The following HNRNPA3 variants were observed in gnomAD, a reference collection of about 807,000 sequenced individuals.
HNRNPA3 encodes heterogeneous nuclear ribonucleoprotein A3.
Under a neutral mutation model 45.8 loss-of-function variants are expected in HNRNPA3, and 3 were observed. That is an observed-to-expected ratio of 0.07 (90% CI 0.03 to 0.17). The LOEUF (loss-of-function observed/expected upper bound fraction) is 0.17, where lower values mean the gene tolerates loss of function less well. Among genes scored for constraint, HNRNPA3 ranks in the 10% least tolerant of loss-of-function variants. HNRNPA3 has a pLI of 1.00. For synonymous variants in HNRNPA3, 170 were observed against 155.6 expected, an observed-to-expected ratio of 1.09 and a Z score of -0.69; for missense variants, 183 against 480.3, an observed-to-expected ratio of 0.38 and a Z score of 5.79.
intron 4 of HNRNPA3, 80 bp from the exon 5 acceptor site, chr2:177,216,420 CATA>C (rs1688941439): frequency 1.0e-6 from 1 of 971,618 alleles, no homozygotes; most frequent in Admixed American, 2.0e-5. Context: ...TAATGGGTTA[CATA>C]ATGACAGAGG....
chr2:177,214,594 G>GACCATTCTGGCTA (rs2105426528), intron 1 of HNRNPA3, among the ~76,000 whole-genome samples: 1 of 152,302 alleles, frequency 6.6e-6, no homozygotes, highest in East Asian at 1.9e-4. Context: ...AGGAGATCGA[G>GACCATTCTGGCTA]ACCATTCTGG....
chr2:177,214,474 T>A (rs1187398928), intron 1 of HNRNPA3, among the ~76,000 whole-genome samples: 1 of 152,152 alleles, frequency 6.6e-6, no homozygotes, highest in African/African-American at 2.4e-5. Flanking sequence ...TTCAGAACTT[T>A]TAGATTGTTC....
rs1168007435 is a variant in HNRNPA3 at position 177,217,912 on chromosome 2, A to G, written c.961+67A>G. On this transcript the variant is annotated intron_variant, in intron 8 of 10. Transcript: ENST00000392524. ...GTTGCTAACAGTTCCCATGACACAT[A>G]TTTGGAAAGTGTTAAAAGCGTTTGA... 6 of 1,387,996 alleles carry G rather than the reference A, an allele frequency of 4.3e-6. No homozygotes were observed. The South Asian group carries it at 8.7e-5, about 20-fold the overall frequency. 86.0% of individuals were successfully genotyped at this position (1,387,996 alleles called of 1,614,324 possible).
chr2:177,219,321 A>G lies in HNRNPA3; in HGVS notation c.*15+7A>G. The G allele has an allele frequency of 1.3e-6, 2 of 1,594,758 alleles. No homozygotes were observed. The highest frequency in any genetic ancestry group is 1.7e-6 in the Non-Finnish European group (2 of 1,167,352). ...CTAAAAACAGCAGAAAAGGGTAGGTATCTTTAAATTTTTATTATGATGATA... is the reference window on the plus strand; with the variant it reads ...CTAAAAACAGCAGAAAAGGGTAGGTGTCTTTAAATTTTTATTATGATGATA... On this transcript the variant is annotated splice_region_variant and intron_variant, in intron 10 of 10. Coordinates refer to ENST00000392524, the Ensembl canonical transcript of HNRNPA3.
chr2:177,217,294 A>G lies in HNRNPA3; in HGVS notation c.820+354A>G, dbSNP rs28710473. On this transcript the variant is annotated intron_variant, in intron 7 of 10. Coordinates refer to ENST00000392524, the Ensembl canonical transcript of HNRNPA3. The stretch of plus-strand genomic sequence containing the variant: ...AGATACTTGATACTCTATTATTATT[A>G]GGTATTACCAGGCTTCAGAGTGCTA... Among the ~76,000 whole-genome samples the G allele has an allele frequency of 4.0e-3, 603 of 152,322 alleles. 3 individuals are homozygous for G. The highest frequency in any genetic ancestry group is 0.014 in the African/African-American group (573 of 41,566).
At chr2:177,217,062 C>T (rs1248283922) in intron 7 of HNRNPA3, 122 bp downstream of exon 7, 1 of 1,068,730 alleles carries the variant, frequency 9.4e-7, no homozygotes, top group Non-Finnish European at 1.3e-6. Context: ...GGTGTATTTC[C>T]AAACTGTACA....
rs1413430235 is a variant in HNRNPA3, at chr2:177,214,533, C to A, written c.73-1006C>A. On this transcript the variant is annotated intron_variant, in intron 1 of 10. Transcript: ENST00000392524. ...TGTATGGGCCGGGCGCTGTGGCTCA[C>A]GCCTGTAATTCTAGCACTTTGGGAG... is the stretch of plus-strand genomic sequence containing the variant. 2.0e-5 allele frequency among the ~76,000 whole-genome samples: 3 copies of A among 152,266 alleles called. No homozygotes were observed. In the Middle Eastern group the frequency reaches 0.01, roughly 518 times the overall value.
Position 177,219,233 on chromosome 2 carries a change from A to G in HNRNPA3, c.1085-14A>G, listed in dbSNP as rs768244196. On this transcript the variant is annotated splice_polypyrimidine_tract_variant and intron_variant, in intron 9 of 10. Transcript: ENST00000392524. ...ATGTGCATACTTCTTTTAAAATACTATGTATATTTTCAGGTGGTTATGGAT... is the reference window on the plus strand; with the variant it reads ...ATGTGCATACTTCTTTTAAAATACTGTGTATATTTTCAGGTGGTTATGGAT... 7 of 1,612,446 alleles carry G rather than the reference A, an allele frequency of 4.3e-6. No homozygotes were observed. The highest frequency in any genetic ancestry group is 2.7e-5 in the African/African-American group (2 of 74,814).
exon 8 of HNRNPA3, chr2:177,217,733 T>C (rs773155168): frequency 6.2e-6 from 10 of 1,613,034 alleles, no homozygotes; most frequent in Non-Finnish European, 8.5e-6. Context: ...GTCCTGGTTA[T>C]AGTAGTAGAG....
rs193071274 is a variant in HNRNPA3, at chr2:177,219,165, T to G, written c.1084+6T>G. 543 of 1,612,902 alleles carry G rather than the reference T, an allele frequency of 3.4e-4. 1 individual carries two copies. The highest frequency in any genetic ancestry group is 4.5e-4 in the Non-Finnish European group (525 of 1,179,662). Reference sequence around the variant, plus strand: ...CTCGGGCAGTCCCTATGGTGGTAAGTACTTTCTTAAATCAATTCTTTAGAG... The same window carrying G: ...CTCGGGCAGTCCCTATGGTGGTAAGGACTTTCTTAAATCAATTCTTTAGAG... On this transcript the variant is annotated splice_donor_region_variant and intron_variant, in intron 9 of 10. Transcript: ENST00000392524.
At chr2:177,213,519 C>T (rs1029674617) in intron 1 of HNRNPA3, among the ~76,000 whole-genome samples, 1 of 152,204 alleles carries the variant, frequency 6.6e-6, no homozygotes, top group Non-Finnish European at 1.5e-5. Flanking sequence ...TCGCAGCATC[C>T]TGTTGGAAAT....
chr2:177,216,991 T>A, intron 7 of HNRNPA3, 51 bp downstream of exon 7: 1 of 1,403,794 alleles, frequency 7.1e-7, no homozygotes, highest in Non-Finnish European at 9.5e-7. Context: ...TCTTTACTTA[T>A]TGAAAATTAT....
chr2:177,218,963 A>C, intron 8 of HNRNPA3, 74 bp from the exon 9 acceptor site: 4 of 1,556,524 alleles, frequency 2.6e-6, no homozygotes, highest in Non-Finnish European at 3.5e-6. Context: ...CTCAAAAGAT[A>C]ATAGTTACAT....
At chr2:177,217,594 T>TTGAGCCCG in intron 7 of HNRNPA3, 111 bp from the exon 8 acceptor site, 1 of 1,349,832 alleles carries the variant, frequency 7.4e-7, no homozygotes, top group Non-Finnish European at 1.1e-6. Flanking sequence ...ACCACTGTAC[T>TTGAGCCCG]TGAGCCCGGG....
At chr2:177,219,061 A>C in exon 9 of HNRNPA3, 1 of 1,614,028 alleles carries the variant, frequency 6.2e-7, no homozygotes, top group Non-Finnish European at 8.5e-7. Flanking sequence ...GGTGGGAACT[A>C]TAATGATTTT....
chr2:177,216,978 C>T (rs775804172), intron 7 of HNRNPA3, 38 bp downstream of exon 7: 167 of 1,431,074 alleles, frequency 1.2e-4, no homozygotes, highest in Middle Eastern at 2.5e-4. Context: ...GATATTTTAA[C>T]TTTCTTTACT....
downstream of HNRNPA3, chr2:177,220,269 TG>T (rs1338967047): frequency 1.3e-5 from 2 of 152,666 alleles, no homozygotes; most frequent in Non-Finnish European, 2.9e-5. Flanking sequence ...CCATAGGTTT[TG>T]GGTGTAAAGA....
chr2:177,219,894 T>C (rs1276602518), exon 11 of HNRNPA3: 9 of 152,722 alleles, frequency 5.9e-5, no homozygotes, highest in African/African-American at 1.9e-4. Flanking sequence ...ATTACTATTT[T>C]GTATGAATTT....
chr2:177,215,683 A>C, intron 2 of HNRNPA3, 22 bp downstream of exon 2: 1 of 1,613,664 alleles, frequency 6.2e-7, no homozygotes, highest in Non-Finnish European at 8.5e-7. Context: ...AGAGAACAGA[A>C]GGGTTCTAAG....
Sources: gnomAD v4.1 joint callset for allele counts (sites outside exome capture counted in the v4.1 genomes callset) on GRCh38, gnomAD v4.1.1 for gene constraint, MANE v1.5 for transcripts, NCBI Gene and HGNC (gene_info 2026-07-23, HGNC 2026-07-21) for gene names.